Variants in MAPRE2 observed in about 807,000 individuals in gnomAD.
The protein encoded by MAPRE2 is microtubule-associated protein RP/EB family member 2.
A neutral mutation model predicts 43.2 loss-of-function variants in MAPRE2; 13 were observed. The ratio of observed to expected loss-of-function variants is 0.30; its 90% confidence interval spans 0.20 to 0.48. The LOEUF is 0.48. Among genes scored for constraint, MAPRE2 ranks in the 20% least tolerant of loss-of-function variants. The pLI is 0.99. For synonymous variants in MAPRE2, 135 were observed against 148.8 expected (o/e 0.91, Z 0.68); for missense variants, 161 against 400.2 (o/e 0.40, Z 5.10).
intron 4 of MAPRE2, 128 bp downstream of exon 4, chr18:35,102,287 TCTA>T: frequency 1.6e-6 from 1 of 640,376 alleles, no homozygotes; most frequent in Non-Finnish European, 2.6e-6. Flanking sequence ...TCGGATGATT[TCTA>T]CTGTTGTCTG....
intron 1 of MAPRE2, among the ~76,000 whole-genome samples, chr18:35,004,646 G>T (rs912968865): frequency 6.6e-6 from 1 of 152,204 alleles, no homozygotes; most frequent in East Asian, 1.9e-4. Context: ...GGCTGTGCAC[G>T]GTGGCTTACG....
chr18:35,125,685 A>G (rs2144234500), intron 4 of MAPRE2, among the ~76,000 whole-genome samples: 1 of 152,390 alleles, frequency 6.6e-6, no homozygotes, highest in Middle Eastern at 3.4e-3. Flanking sequence ...TTCATAATCC[A>G]TGAAGTACAC....
intron 2 of MAPRE2, among the ~76,000 whole-genome samples, chr18:35,072,565 A>G (rs1263378696): frequency 6.6e-6 from 1 of 152,246 alleles, no homozygotes; most frequent in Non-Finnish European, 1.5e-5. Context: ...AGCAAATGAA[A>G]TAAGAACAAA....
At chr18:35,014,739 A>G (rs273363) in intron 2 of MAPRE2, among the ~76,000 whole-genome samples, 78,912 of 151,868 alleles carry the variant, frequency 0.52, 22,881 homozygotes, top group East Asian at 0.71. Flanking sequence ...CAACTTACTG[A>G]GCAGTTTGAT....
intron 2 of MAPRE2, among the ~76,000 whole-genome samples, chr18:35,012,843 G>T (rs922195540): frequency 6.6e-6 from 1 of 152,128 alleles, no homozygotes; most frequent in Non-Finnish European, 1.5e-5. Flanking sequence ...GAACAAGAAT[G>T]TTAATATATG....
chr18:35,024,886 A>C (rs2097044180), intron 2 of MAPRE2, among the ~76,000 whole-genome samples: 1 of 152,168 alleles, frequency 6.6e-6, no homozygotes, highest in African/African-American at 2.4e-5. Context: ...CTATTAATAC[A>C]ATGATGAATT....
At chr18:35,056,954 T>A (rs950901165) in intron 1 of MAPRE2, among the ~76,000 whole-genome samples, 21 of 152,196 alleles carry the variant, frequency 1.4e-4, no homozygotes, top group African/African-American at 4.8e-4. Context: ...AAAGCTTCCC[T>A]GCTTCCACTG....
chr18:35,087,705 AG>A (rs1748432920), intron 2 of MAPRE2, among the ~76,000 whole-genome samples: 1 of 152,238 alleles, frequency 6.6e-6, no homozygotes. Flanking sequence ...TTAGATACAT[AG>A]GGGACCAAGA....
chr18:35,115,329 A>G (rs1791828316), intron 4 of MAPRE2, among the ~76,000 whole-genome samples: 1 of 152,208 alleles, frequency 6.6e-6, no homozygotes, highest in Non-Finnish European at 1.5e-5. Flanking sequence ...CTTAGAAAGT[A>G]TGCTAGTACA....
intron 1 of MAPRE2, among the ~76,000 whole-genome samples, chr18:35,066,458 A>T (rs1285172636): frequency 6.6e-6 from 1 of 152,270 alleles, no homozygotes; most frequent in Non-Finnish European, 1.5e-5. Flanking sequence ...CCCAGAAATC[A>T]TAATGAAATC....
intron 2 of MAPRE2, among the ~76,000 whole-genome samples, chr18:35,011,255 G>A (rs1009298360): frequency 2.6e-5 from 4 of 152,274 alleles, no homozygotes; most frequent in East Asian, 3.9e-4. Context: ...TCCAAGTTTC[G>A]AGGCGTCTAA....
At chr18:35,103,927 G>A (rs935975341) in intron 4 of MAPRE2, among the ~76,000 whole-genome samples, 2 of 152,160 alleles carry the variant, frequency 1.3e-5, no homozygotes, top group African/African-American at 4.8e-5. Flanking sequence ...AAAGGAAATT[G>A]AGACAGTGGA....
At chr18:34,996,325 C>T (rs1478761491) in intron 1 of MAPRE2, among the ~76,000 whole-genome samples, 1 of 152,128 alleles carries the variant, frequency 6.6e-6, no homozygotes, top group Non-Finnish European at 1.5e-5. Flanking sequence ...CACCTCAGAT[C>T]ATCAAGCATT....
rs28854468 is a variant in MAPRE2 at position 35,018,425 on chromosome 18, C to T, written c.-8+12872C>T. 7.1e-3 allele frequency among the ~76,000 whole-genome samples: 1,069 copies of T among 150,714 alleles called. 12 individuals carry two copies. The highest frequency in any genetic ancestry group is 0.024 in the African/African-American group (1,003 of 41,172). On this transcript the variant is annotated intron_variant, in intron 2 of 7. Transcript: ENST00000413393. ...ATCTGCTAGAATTTGACTGTGAATC[C>T]GTCTGGCCCAGGGCAATTTTTGGTT... is the stretch of plus-strand genomic sequence containing the variant.
rs1341176028 is a variant in MAPRE2 at position 35,141,851 on chromosome 18, G to A, written c.*1482G>A. 4 of 152,172 alleles carry A rather than the reference G, an allele frequency of 2.6e-5. No individual in the cohort carries two copies. Among genetic ancestry groups the A allele is most frequent in the African/African-American group, 9.7e-5 (4 of 41,428 alleles). 9.4% of individuals were successfully genotyped at this position (152,172 alleles called of 1,614,324 possible). On this transcript the variant is annotated 3_prime_UTR_variant, in exon 7 of 7. Transcript: ENST00000300249. ...AGCTTAAAATAAATTTCTGAATTAT[G>A]TATCCTGAAGCTTTGAAATTTCTTT... is the stretch of plus-strand genomic sequence containing the variant.
At chr18:35,033,506 G>T (rs2097048852) in intron 2 of MAPRE2, among the ~76,000 whole-genome samples, 1 of 151,452 alleles carries the variant, frequency 6.6e-6, no homozygotes, top group African/African-American at 2.4e-5. Flanking sequence ...TGGAAGTTCT[G>T]GCCAGGGCAA....
chr18:35,019,508 C>T (rs1019072763), intron 2 of MAPRE2, among the ~76,000 whole-genome samples: 1 of 151,898 alleles, frequency 6.6e-6, no homozygotes, highest in African/African-American at 2.4e-5. Context: ...TGTTAAAGTC[C>T]CCCACTATTA....
chr18:35,024,740 T>C (rs932562608), intron 2 of MAPRE2, among the ~76,000 whole-genome samples: 29 of 152,332 alleles, frequency 1.9e-4, no homozygotes, highest in African/African-American at 6.0e-4. Flanking sequence ...CTTTATATCA[T>C]AGACAATGTT....
At chr18:34,979,475 T>G (rs995517722) in intron 1 of MAPRE2, among the ~76,000 whole-genome samples, 1 of 152,088 alleles carries the variant, frequency 6.6e-6, no homozygotes, top group Non-Finnish European at 1.5e-5. Flanking sequence ...AGCCACTCCC[T>G]TTGTAGCACA....
Sources: gnomAD v4.1 joint callset for allele counts (sites outside exome capture counted in the v4.1 genomes callset) on GRCh38, gnomAD v4.1.1 for gene constraint, MANE v1.5 for transcripts, NCBI Gene and HGNC (gene_info 2026-07-23, HGNC 2026-07-21) for gene names.